The following NCS1 variants were observed in gnomAD, a reference collection of about 807,000 sequenced individuals.
The protein encoded by NCS1 is frequenin homolog.
In NCS1, 6 loss-of-function variants were observed where a neutral mutation model predicts 28.4. That is an observed-to-expected ratio of 0.21 (90% CI 0.12 to 0.42). NCS1 has a LOEUF of 0.42. NCS1 is among the 10% of genes least tolerant of loss of function. The pLI, the probability that NCS1 is intolerant of heterozygous loss-of-function variation, is 1.00. For synonymous variants in NCS1, 86 were observed against 99.3 expected, an observed-to-expected ratio of 0.87 and a Z score of 0.79; for missense variants, 131 against 241.4, an observed-to-expected ratio of 0.54 and a Z score of 3.03.
intron 6 of NCS1, among the ~76,000 whole-genome samples, chr9:130,223,672 C>G (rs765869523): frequency 6.6e-6 from 1 of 152,082 alleles, no homozygotes; most frequent in Non-Finnish European, 1.5e-5. Flanking sequence ...TACCTGTGAT[C>G]CCTACTGTCG....
intron 1 of NCS1, among the ~76,000 whole-genome samples, chr9:130,187,229 C>T (rs1361683559): frequency 5.9e-5 from 9 of 152,158 alleles, no homozygotes; most frequent in African/African-American, 9.7e-5. Flanking sequence ...GGTCAGGGTC[C>T]GGCCTACAGC....
rs1231443051 is a variant in NCS1, at chr9:130,215,612, C to G, written c.90-2220C>G. On this transcript the variant is annotated intron_variant, in intron 2 of 7. Transcript: ENST00000372398. This position sits in a 1 kb window ranked among gnomAD's most constrained non-coding sequence, Gnocchi z 4.2. ...TTGCTGTGGATGAATCTCCTGATCT[C>G]TCTGTGCCTCAGTGCCTCATCTGTG... 1.3e-5 allele frequency among the ~76,000 whole-genome samples: 2 copies of G among 152,178 alleles called. No homozygotes were observed. Among genetic ancestry groups the G allele is most frequent in the Admixed American group, 6.5e-5 (1 of 15,280 alleles).
In NCS1 at chr9:130,209,813, C is replaced by T. The variant is rs913678336; in HGVS notation, c.90-8019C>T. On this transcript the variant is annotated intron_variant, in intron 2 of 7. Coordinates refer to ENST00000372398, the MANE Select transcript of NCS1 (RefSeq NM_014286.4). This position sits in a 1 kb window ranked among gnomAD's most constrained non-coding sequence, Gnocchi z 4.4. ...TTCTTTTCTCATCTCTACCCTGTCT[C>T]GTGGAGCTGGTTCCCAAACACAGTC... Among the ~76,000 whole-genome samples, 9 of 152,182 alleles carry T rather than the reference C, an allele frequency of 5.9e-5. No individual in the cohort carries two copies. The highest frequency in any genetic ancestry group is 1.9e-4 in the East Asian group (1 of 5,196).
rs1434170769 is a variant in NCS1, at chr9:130,232,772, C to G, written c.*18-218C>G. On this transcript the variant is annotated intron_variant, in intron 7 of 7. Coordinates refer to ENST00000372398, the MANE Select transcript of NCS1 (RefSeq NM_014286.4). This position sits in a 1 kb window ranked among gnomAD's most constrained non-coding sequence, Gnocchi z 4.4. The stretch of plus-strand genomic sequence containing the variant: ...CTGCACTGCAGCCCAGGTGACAGAG[C>G]AAGACTCCAACTCAAAAAAAAGCAA... Among the ~76,000 whole-genome samples, 2 of 151,614 alleles carry G rather than the reference C, an allele frequency of 1.3e-5. No homozygotes were observed. Among genetic ancestry groups the G allele is most frequent in the Non-Finnish European group, 2.9e-5 (2 of 67,964 alleles).
intron 2 of NCS1, among the ~76,000 whole-genome samples, chr9:130,210,699 T>C (rs1321904305): frequency 6.6e-6 from 1 of 152,118 alleles, no homozygotes; most frequent in African/African-American, 2.4e-5. Context: ...AAACCGAGAC[T>C]CTGAGGGGAA....
intron 1 of NCS1, among the ~76,000 whole-genome samples, chr9:130,187,010 T>C (rs1302030922): frequency 6.6e-6 from 1 of 152,164 alleles, no homozygotes; most frequent in African/African-American, 2.4e-5. Flanking sequence ...GTGGGGTTGC[T>C]GATGGCCCCT....
intron 6 of NCS1, 104 bp downstream of exon 6, chr9:130,223,263 C>T: frequency 9.6e-7 from 1 of 1,038,452 alleles, no homozygotes; most frequent in South Asian, 1.4e-5. Context: ...CCAACCTCCT[C>T]CATGGCTCAC....
At chr9:130,217,216 G>T (rs557509680) in intron 2 of NCS1, among the ~76,000 whole-genome samples, 2 of 152,236 alleles carry the variant, frequency 1.3e-5, no homozygotes, top group Non-Finnish European at 2.9e-5. Context: ...CGTCAGCCAC[G>T]TAGGGATCTG....
intron 1 of NCS1, among the ~76,000 whole-genome samples, chr9:130,184,055 C>T (rs1832707550): frequency 6.6e-6 from 1 of 152,032 alleles, no homozygotes; most frequent in Non-Finnish European, 1.5e-5. Context: ...CATTATCCAC[C>T]CGCCTCGGCC....
chr9:130,188,423 CTTTTT>C (rs34686734), intron 1 of NCS1, among the ~76,000 whole-genome samples: 1 of 138,220 alleles, frequency 7.2e-6, no homozygotes, highest in Admixed American at 7.3e-5. Flanking sequence ...CTGAACTTTC[CTTTTT>C]TTTTTTTTTT....
chr9:130,183,661 C>T (rs553514570), intron 1 of NCS1, among the ~76,000 whole-genome samples: 2 of 133,490 alleles, frequency 1.5e-5, no homozygotes, highest in Non-Finnish European at 3.4e-5. Context: ...CTTTCTTTTT[C>T]TTTCCTTCTC....
Position 130,175,760 on chromosome 9 carries a change from T to C in NCS1, c.64+3033T>C, listed in dbSNP as rs1252496779. 6.6e-6 allele frequency among the ~76,000 whole-genome samples: 1 copy of C among 152,144 alleles called. No individual in the cohort carries two copies. The highest frequency in any genetic ancestry group is 1.5e-5 in the Non-Finnish European group (1 of 68,020). ...TGGACACACTGGGATTCCACCTGGC[T>C]CAAACCCTAACCCAGTCCTCAGCCT... On this transcript the variant is annotated intron_variant, in intron 1 of 7. Coordinates refer to ENST00000372398, the MANE Select transcript of NCS1 (RefSeq NM_014286.4). This position sits in a 1 kb window ranked among gnomAD's most constrained non-coding sequence, Gnocchi z 4.9.
At position 130,180,293 on chromosome 9, in the gene NCS1, C is replaced by T. The variant is rs538512032; in HGVS notation, c.64+7566C>T. Among the ~76,000 whole-genome samples, 17 of 152,258 alleles carry T rather than the reference C, an allele frequency of 1.1e-4. No homozygotes were observed. The East Asian group carries it at 3.3e-3, about 29-fold the overall frequency. Reference sequence around the variant, plus strand: ...AAGTGGTGCACCCACCTTGGCCTCCCAAAGTGCTGGGATTACAGGCGTGAG... The same window carrying T: ...AAGTGGTGCACCCACCTTGGCCTCCTAAAGTGCTGGGATTACAGGCGTGAG... On this transcript the variant is annotated intron_variant, in intron 1 of 7. Transcript: ENST00000372398. The surrounding 1 kb of genome is among the most constrained non-coding windows in gnomAD (Gnocchi z 4.5).
At chr9:130,187,483 C>T (rs1383159909) in intron 1 of NCS1, among the ~76,000 whole-genome samples, 6 of 152,126 alleles carry the variant, frequency 3.9e-5, no homozygotes, top group African/African-American at 1.2e-4. Context: ...CAGCAGCCCT[C>T]GCCACCCCTC....
chr9:130,189,334 A>G (rs781971846), intron 1 of NCS1, among the ~76,000 whole-genome samples: 3 of 152,220 alleles, frequency 2.0e-5, no homozygotes, highest in Non-Finnish European at 4.4e-5. Flanking sequence ...TCACTTGTCT[A>G]CAGGGGCTAA....
rs1222701493 is a variant in NCS1, at chr9:130,221,395, TATATATATATATATATATAG to T, written c.308-1253_308-1234del. 6.0e-3 allele frequency among the ~76,000 whole-genome samples: 392 copies of T among 64,890 alleles called. 1 individual carries two copies. Among genetic ancestry groups the T allele is most frequent in the Middle Eastern group, 0.026 (3 of 114 alleles). 42.6% of individuals were successfully genotyped at this position (64,890 alleles called of 152,430 possible). A position where few individuals can be genotyped will look rare whatever the true frequency, so the allele number is the denominator to read the frequency against. On this transcript the variant is annotated intron_variant, in intron 4 of 7. Transcript: ENST00000372398. ...AAAATATCATATATATATATATATATATATATATATATATATATAGAGAGAGAGAGAGAGAGAGAGAGAGA... is the reference window on the plus strand; with the variant it reads ...AAAATATCATATATATATATATATATAGAGAGAGAGAGAGAGAGAGAGAGA...
chr9:130,222,849 G>GGCT, intron 5 of NCS1, 111 bp downstream of exon 5: 1 of 1,176,128 alleles, frequency 8.5e-7, no homozygotes, highest in Non-Finnish European at 1.3e-6. Context: ...GGTGGAAGCA[G>GGCT]GGGTCACTGG....
At chr9:130,194,574 C>G (rs1289953145) in intron 1 of NCS1, among the ~76,000 whole-genome samples, 1 of 152,192 alleles carries the variant, frequency 6.6e-6, no homozygotes, top group Non-Finnish European at 1.5e-5. Context: ...TCCTCAACAA[C>G]CTTGACAATG....
chr9:130,192,451 T>C lies in NCS1; in HGVS notation c.65-8507T>C, dbSNP rs1265049021. ...CTGCTCTTCCTGGACACGGGGCCTG[T>C]CGTTGTGGGAAATGAGGCGCTCCAG... On this transcript the variant is annotated intron_variant, in intron 1 of 7. Coordinates refer to ENST00000372398, the MANE Select transcript of NCS1 (RefSeq NM_014286.4). This position sits in a 1 kb window ranked among gnomAD's most constrained non-coding sequence, Gnocchi z 4.8. Among the ~76,000 whole-genome samples, 1 of 151,928 alleles carries C rather than the reference T, an allele frequency of 6.6e-6. No individual in the cohort carries two copies. Among genetic ancestry groups the C allele is most frequent in the Non-Finnish European group, 1.5e-5 (1 of 67,984 alleles).
Sources: gnomAD v4.1 joint callset for allele counts (sites outside exome capture counted in the v4.1 genomes callset) on GRCh38, gnomAD v4.1.1 for gene constraint, Gnocchi (gnomAD v3.1) non-coding constraint, MANE v1.5 for transcripts, NCBI Gene and HGNC (gene_info 2026-07-23, HGNC 2026-07-21) for gene names.